The following AFAP1 variants were observed in gnomAD, a reference collection of about 807,000 sequenced individuals.
AFAP1 encodes the protein actin filament-associated protein 1.
In AFAP1, 75 loss-of-function variants were observed where a neutral mutation model predicts 93.9. That is an observed-to-expected ratio of 0.80 (90% CI 0.66 to 0.97). The LOEUF is 0.97. Ranked by LOEUF, AFAP1 falls within the 50% of genes least tolerant of loss-of-function variation. The pLI is 0.00. For synonymous variants in AFAP1, 517 were observed against 430.7 expected (o/e 1.20, Z -2.48); for missense variants, 1,201 against 1,050.8 (o/e 1.14, Z -1.98).
intron 1 of AFAP1, among the ~76,000 whole-genome samples, chr4:7,927,950 A>T (rs1054168952): frequency 6.6e-6 from 1 of 152,170 alleles, no homozygotes; most frequent in African/African-American, 2.4e-5. Context: ...CAAGTCATAG[A>T]GATGAAAAGC....
chr4:7,877,754 C>T (rs1717598588), intron 1 of AFAP1, among the ~76,000 whole-genome samples: 1 of 152,182 alleles, frequency 6.6e-6, no homozygotes, highest in Non-Finnish European at 1.5e-5. Context: ...ACGTTATACC[C>T]ATTTTGTATT....
At chr4:7,865,427 T>G (rs1227118115) in intron 3 of AFAP1, among the ~76,000 whole-genome samples, 1 of 152,240 alleles carries the variant, frequency 6.6e-6, no homozygotes, top group African/African-American at 2.4e-5. Flanking sequence ...AATGTATACC[T>G]TTTTAAAATT....
chr4:7,838,408 T>C, intron 6 of AFAP1, 116 bp downstream of exon 6: 3 of 1,229,156 alleles, frequency 2.4e-6, no homozygotes, highest in Non-Finnish European at 2.2e-6. Flanking sequence ...CAAAACTCTT[T>C]GGGTGAATCC....
At chr4:7,866,624 G>T (rs1391808789) in intron 3 of AFAP1, among the ~76,000 whole-genome samples, 1 of 152,188 alleles carries the variant, frequency 6.6e-6, no homozygotes, top group Non-Finnish European at 1.5e-5. Flanking sequence ...AAGAAAAAAT[G>T]AAAATAAGCC....
At chr4:7,903,214 TCTAG>T (rs1285140632) in intron 1 of AFAP1, among the ~76,000 whole-genome samples, 4 of 152,108 alleles carry the variant, frequency 2.6e-5, no homozygotes, top group Non-Finnish European at 4.4e-5. Context: ...TGACTAACTA[TCTAG>T]GTGCCAGGCA....
At position 7,893,783 on chromosome 4, in the gene AFAP1, T is replaced by C. The variant is rs1718612289; in HGVS notation, c.-2-21703A>G. On this transcript the variant is annotated intron_variant, in intron 1 of 17. Coordinates refer to ENST00000420658, the MANE Select transcript of AFAP1 (RefSeq NM_001134647.2). Reference sequence around the variant, plus strand: ...TGCATTCTAACATGCTCCCAGGTGGTGTCAACGCTGCTGGCCATGGGTCGC... The same window carrying C: ...TGCATTCTAACATGCTCCCAGGTGGCGTCAACGCTGCTGGCCATGGGTCGC... Among the ~76,000 whole-genome samples the C allele has an allele frequency of 2.0e-5, 3 of 152,090 alleles. No homozygotes were observed. The South Asian group carries it at 6.2e-4, about 32-fold the overall frequency.
chr4:7,770,450 G>A (rs1321567020), intron 16 of AFAP1, among the ~76,000 whole-genome samples: 2 of 152,206 alleles, frequency 1.3e-5, no homozygotes, highest in East Asian at 1.9e-4. Flanking sequence ...AAGTGAAGCT[G>A]TAGGAGGGGC....
Position 7,855,454 on chromosome 4 carries a change from C to T in AFAP1, c.334+12G>A. The stretch of plus-strand genomic sequence containing the variant: ...ACAAAGGCAGCATGGCTGGGCAGGG[C>T]TGGCCACTCACTTGATGTGATGTAT... On this transcript the variant is annotated intron_variant, in intron 4 of 17. Transcript: ENST00000420658. 6.3e-7 allele frequency: 1 copy of T among 1,575,948 alleles called. No homozygotes were observed. Among genetic ancestry groups the T allele is most frequent in the Non-Finnish European group, 8.7e-7 (1 of 1,153,644 alleles).
At chr4:7,922,947 T>C (rs778515914) in intron 1 of AFAP1, among the ~76,000 whole-genome samples, 5 of 152,180 alleles carry the variant, frequency 3.3e-5, no homozygotes, top group Non-Finnish European at 5.9e-5. Context: ...TGAGCTATGA[T>C]GGCACTCCTG....
At chr4:7,879,942 G>C (rs1188886197) in intron 1 of AFAP1, among the ~76,000 whole-genome samples, 6 of 152,222 alleles carry the variant, frequency 3.9e-5, no homozygotes, top group Non-Finnish European at 8.8e-5. Context: ...TGGGATTCCA[G>C]ACATGCGCCC....
At chr4:7,784,660 A>C (rs73206599) in intron 12 of AFAP1, among the ~76,000 whole-genome samples, 23,515 of 152,034 alleles carry the variant, frequency 0.15, 1,849 homozygotes, top group Middle Eastern at 0.19. Context: ...AGGAAGGAGG[A>C]GGCGGCCAAT....
At chr4:7,839,687 G>C (rs1292665134) in intron 5 of AFAP1, among the ~76,000 whole-genome samples, 1 of 152,180 alleles carries the variant, frequency 6.6e-6, no homozygotes, top group Non-Finnish European at 1.5e-5. Context: ...TTAGAACTGA[G>C]ACTTAACTCA....
intron 1 of AFAP1, among the ~76,000 whole-genome samples, chr4:7,911,969 A>C (rs961553821): frequency 1.3e-5 from 2 of 152,240 alleles, no homozygotes; most frequent in East Asian, 3.8e-4. Context: ...CAGAGTTATT[A>C]GGTGGCTCTT....
chr4:7,854,687 C>T (rs1186131792), intron 4 of AFAP1, among the ~76,000 whole-genome samples: 1 of 151,138 alleles, frequency 6.6e-6, no homozygotes, highest in Non-Finnish European at 1.5e-5. Flanking sequence ...GTACAGTCAG[C>T]AACTGCTCTG....
chr4:7,900,619 CT>C (rs1425204239), intron 1 of AFAP1, among the ~76,000 whole-genome samples: 2 of 152,212 alleles, frequency 1.3e-5, no homozygotes, highest in African/African-American at 4.8e-5. Flanking sequence ...ACCAAACTAC[CT>C]CTAACAATCA....
chr4:7,908,423 A>C lies in AFAP1; in HGVS notation c.-3+31233T>G, dbSNP rs140578059. 2.6e-4 allele frequency among the ~76,000 whole-genome samples: 39 copies of C among 152,332 alleles called. 2 individuals are homozygous for C. In the East Asian group the frequency reaches 7.3e-3, roughly 29 times the overall value. On this transcript the variant is annotated intron_variant, in intron 1 of 17. Coordinates refer to ENST00000420658, the MANE Select transcript of AFAP1 (RefSeq NM_001134647.2). ...TTTCTGTCCCCAATGTCTAGCCTAG[A>C]AGACACTCAGTAAATGATTACTGAA...
intron 6 of AFAP1, among the ~76,000 whole-genome samples, chr4:7,830,850 C>A (rs1466065375): frequency 6.6e-6 from 1 of 152,130 alleles, no homozygotes; most frequent in Non-Finnish European, 1.5e-5. Flanking sequence ...CTCAAGTGAT[C>A]CTCCCGCCTT....
chr4:7,938,296 C>A (rs142256212), intron 1 of AFAP1, among the ~76,000 whole-genome samples: 189 of 152,300 alleles, frequency 1.2e-3, no homozygotes, highest in Non-Finnish European at 2.3e-3. Context: ...TAAACACCAT[C>A]TCTTGTTCAG....
intron 1 of AFAP1, among the ~76,000 whole-genome samples, chr4:7,910,234 G>A (rs1719651581): frequency 6.6e-6 from 1 of 152,042 alleles, no homozygotes; most frequent in South Asian, 2.1e-4. Context: ...AACAGGAGTC[G>A]AAACAGGGAA....
Sources: gnomAD v4.1 joint callset for allele counts (sites outside exome capture counted in the v4.1 genomes callset) on GRCh38, gnomAD v4.1.1 for gene constraint, MANE v1.5 for transcripts, NCBI Gene and HGNC (gene_info 2026-07-23, HGNC 2026-07-21) for gene names.